XPO4: variants seen among roughly 807,000 people sequenced by gnomAD.
The protein encoded by XPO4 is exportin 4, also known as exportin-4.
Under a neutral mutation model 143.0 loss-of-function variants are expected in XPO4, and 39 were observed. The ratio of observed to expected loss-of-function variants is 0.27; its 90% CI spans 0.21 to 0.36. XPO4 has a LOEUF of 0.36. Ranked by LOEUF, XPO4 falls within the 10% of genes least tolerant of loss-of-function variation. XPO4 has a pLI of 1.00. For synonymous variants in XPO4, 439 were observed against 474.0 expected (o/e 0.93, Z 0.96); for missense variants, 907 against 1,348.0 (o/e 0.67, Z 5.12).
Position 20,781,919 on chromosome 13 carries a change from T to C in XPO4, c.*1803A>G, listed in dbSNP as rs1206223036. The C allele has an allele frequency of 1.3e-5, 2 of 152,116 alleles. No homozygotes were observed. The highest frequency in any genetic ancestry group is 1.5e-5 in the Non-Finnish European group (1 of 68,012). The allele number at this position is 152,116 out of a possible 1,614,324, so 9.4% of individuals were successfully genotyped here. A position where few individuals can be genotyped will look rare whatever the true frequency, so the allele number is the denominator to read the frequency against. On this transcript the variant is annotated 3_prime_UTR_variant, in exon 23 of 23. Coordinates refer to ENST00000255305, the MANE Select transcript of XPO4 (RefSeq NM_022459.5). ...AAAAAAACACCTAAAAATAAATGCA[T>C]CAAAGTATTTTTTAAAATACAGAAA...
At chr13:20,798,878 G>A (rs1485126039) in intron 16 of XPO4, among the ~76,000 whole-genome samples, 2 of 151,968 alleles carry the variant, frequency 1.3e-5, no homozygotes, top group Non-Finnish European at 2.9e-5. Flanking sequence ...AAAATTAGCT[G>A]GGTATGGTGG....
chr13:20,833,911 G>A (rs1365219459), intron 6 of XPO4, among the ~76,000 whole-genome samples: 1 of 152,154 alleles, frequency 6.6e-6, no homozygotes, highest in Admixed American at 6.5e-5. Flanking sequence ...CCGGACCCCA[G>A]CGCCCACTAT....
intron 3 of XPO4, chr13:20,856,443 A>G (rs935141272): frequency 1.4e-6 from 1 of 716,940 alleles, no homozygotes; most frequent in Non-Finnish European, 1.7e-6. Flanking sequence ...CAGAAACTTA[A>G]TTGACTTTTC....
At chr13:20,829,910 CTCTA>C (rs993288320) in intron 6 of XPO4, among the ~76,000 whole-genome samples, 2 of 152,138 alleles carry the variant, frequency 1.3e-5, no homozygotes, top group African/African-American at 4.8e-5. Flanking sequence ...TAATTCTCTC[CTCTA>C]TCTTTTTATA....
chr13:20,870,377 A>T (rs71426040), intron 1 of XPO4, among the ~76,000 whole-genome samples: 54,844 of 151,566 alleles, frequency 0.36, 11,256 homozygotes, highest in Non-Finnish European at 0.47. Context: ...GGTTGCAGTG[A>T]GCTGAGATCC....
Position 20,838,625 on chromosome 13 carries a change from A to G in XPO4, c.727+4270T>C, listed in dbSNP as rs1023837823. ...ACTCCATCTCAAAAAAAAAAAAAAA[A>G]AAAAGAAAGAAATTACATTTTGGTC... On this transcript the variant is annotated intron_variant, in intron 6 of 22. Coordinates refer to ENST00000255305, the MANE Select transcript of XPO4 (RefSeq NM_022459.5). Among the ~76,000 whole-genome samples, 11 of 151,478 alleles carry G rather than the reference A, an allele frequency of 7.3e-5. No homozygotes were observed. In the East Asian group the frequency reaches 1.9e-3, roughly 27 times the overall value.
At chr13:20,808,346 A>G in intron 12 of XPO4, 90 bp downstream of exon 12, 1 of 1,319,760 alleles carries the variant, frequency 7.6e-7, no homozygotes, top group Middle Eastern at 2.0e-4. Context: ...AATATTATAT[A>G]TACACTATTG....
At chr13:20,870,089 C>CAA (rs59710121) in intron 1 of XPO4, among the ~76,000 whole-genome samples, 3,320 of 98,758 alleles carry the variant, frequency 0.034, 153 homozygotes, top group African/African-American at 0.089. Flanking sequence ...GAAGGAGTCT[C>CAA]AAAAAAAAAA....
At position 20,794,890 on chromosome 13, in the gene XPO4, A is replaced by G. The variant is rs554748489; in HGVS notation, c.2797+1186T>C. Among the ~76,000 whole-genome samples the G allele has an allele frequency of 8.7e-4, 131 of 151,162 alleles. 3 individuals are homozygous for G. In the South Asian group the frequency reaches 0.027, roughly 31 times the overall value. On this transcript the variant is annotated intron_variant, in intron 18 of 22. Coordinates refer to ENST00000255305, the MANE Select transcript of XPO4 (RefSeq NM_022459.5). ...GAATTTGTACAGTGCTTTTCAGACTATCTCACCTTGGTACCCCTAGTTAAC... is the reference window on the plus strand; with the variant it reads ...GAATTTGTACAGTGCTTTTCAGACTGTCTCACCTTGGTACCCCTAGTTAAC...
chr13:20,797,916 G>A (rs564310246), intron 16 of XPO4, among the ~76,000 whole-genome samples: 7 of 152,320 alleles, frequency 4.6e-5, no homozygotes, highest in African/African-American at 1.7e-4. Context: ...TTGGAAGGCT[G>A]AGGTGGGCGG....
At chr13:20,833,558 G>A (rs1010768970) in intron 6 of XPO4, among the ~76,000 whole-genome samples, 7 of 151,950 alleles carry the variant, frequency 4.6e-5, no homozygotes, top group African/African-American at 7.3e-5. Context: ...TTTAATTGTT[G>A]TATTGTTATT....
chr13:20,872,788 TAC>T (rs1262959308), intron 1 of XPO4, among the ~76,000 whole-genome samples: 1 of 146,638 alleles, frequency 6.8e-6, no homozygotes, highest in Admixed American at 6.8e-5. Flanking sequence ...TAACAGAAAC[TAC>T]ACTTACATAG....
intron 1 of XPO4, among the ~76,000 whole-genome samples, chr13:20,888,964 A>C (rs938551064): frequency 1.3e-5 from 2 of 151,784 alleles, no homozygotes; most frequent in African/African-American, 4.8e-5. Flanking sequence ...CACCATGCCC[A>C]GTTCCCAGTT....
intron 1 of XPO4, among the ~76,000 whole-genome samples, chr13:20,877,934 G>A (rs2060368206): frequency 6.6e-6 from 1 of 152,198 alleles, no homozygotes; most frequent in African/African-American, 2.4e-5. Flanking sequence ...GGATGGGCAT[G>A]GTGGCTCATG....
chr13:20,879,265 A>G (rs369804367), intron 1 of XPO4: 6 of 985,406 alleles, frequency 6.1e-6, no homozygotes, highest in East Asian at 2.3e-4. Flanking sequence ...TAAACTATTT[A>G]AAAAACAAAC....
rs2059109498 is a variant in XPO4 at position 20,778,850 on chromosome 13, A to T, written c.*4872T>A. On this transcript the variant is annotated 3_prime_UTR_variant, in exon 23 of 23. Coordinates refer to ENST00000255305, the MANE Select transcript of XPO4 (RefSeq NM_022459.5). ...AGAGTCTAGCTAAATACCCATGAACAAATCACACATGGTCAAAACAAAAAT... is the reference window on the plus strand; with the variant it reads ...AGAGTCTAGCTAAATACCCATGAACTAATCACACATGGTCAAAACAAAAAT... The T allele has an allele frequency of 6.6e-6, 1 of 152,220 alleles. No homozygotes were observed. The highest frequency in any genetic ancestry group is 1.5e-5 in the Non-Finnish European group (1 of 68,042). 9.4% of individuals were successfully genotyped at this position (152,220 alleles called of 1,614,324 possible).
At chr13:20,895,141 G>T (rs1414584054) in intron 1 of XPO4, among the ~76,000 whole-genome samples, 1 of 152,018 alleles carries the variant, frequency 6.6e-6, no homozygotes, top group Non-Finnish European at 1.5e-5. Context: ...TTGCGCCACT[G>T]CACTCCAGCC....
In XPO4 at chr13:20,822,230, G is replaced by A; in HGVS notation, c.900C>T (p.Ala300=). ...TGGGTCCATGAAGAGAAGCTAACTG[G>A]GCAAGGCACTGCAGAGAATCTTGTG... ...DMAQDSLQCL[A]QLASLHGPIF... is the part of the protein sequence containing the mutation. Residue 300 remains alanine, a synonymous_variant, in exon 8 of 23, where the codon GCC becomes GCT. Transcript: ENST00000255305. 6.2e-7 allele frequency: 1 copy of A among 1,613,890 alleles called. No homozygotes were observed. Among genetic ancestry groups the A allele is most frequent in the Non-Finnish European group, 8.5e-7 (1 of 1,179,880 alleles).
Position 20,855,322 on chromosome 13 carries a change from G to GCA in XPO4, c.456+303_456+304dup, listed in dbSNP as rs377101182. The stretch of plus-strand genomic sequence containing the variant: ...AATACAAAATTAGCCAGGTGTGGTG[G>GCA]CACATGCCTGTAATCCCAGCTACTT... On this transcript the variant is annotated intron_variant, in intron 4 of 22. Transcript: ENST00000255305. 8.4e-3 allele frequency among the ~76,000 whole-genome samples: 1,284 copies of GCA among 152,080 alleles called. 20 individuals carry two copies. Among genetic ancestry groups the GCA allele is most frequent in the African/African-American group, 0.03 (1,230 of 41,480 alleles).
Sources: allele counts gnomAD v4.1 joint callset (sites outside exome capture counted in the v4.1 genomes callset), GRCh38; gene constraint gnomAD v4.1.1; transcripts MANE v1.5; gene names NCBI Gene and HGNC (gene_info 2026-07-23, HGNC 2026-07-21).